NKD2: variants seen among roughly 807,000 people sequenced by gnomAD.
NKD2 encodes protein naked cuticle homolog 2.
NKD2 carries 43 observed loss-of-function variants against 34.8 expected under a neutral mutation model. The ratio of observed to expected loss-of-function variants is 1.24; its 90% CI spans 0.97 to 1.60. The LOEUF (loss-of-function observed/expected upper bound fraction) is 1.60. NKD2 is among the 40% of genes most tolerant of loss of function. The probability of loss-of-function intolerance (pLI) is 0.00; values close to 1 mark genes in which losing one functional copy is unlikely to be tolerated. For synonymous variants in NKD2, 278 were observed against 265.1 expected, an observed-to-expected ratio of 1.05 and a Z score of -0.47; for missense variants, 675 against 627.1, an observed-to-expected ratio of 1.08 and a Z score of -0.82.
At chr5:1,010,855 C>G (rs867568315) in intron 3 of NKD2, among the ~76,000 whole-genome samples, 4 of 152,234 alleles carry the variant, frequency 2.6e-5, no homozygotes, top group Non-Finnish European at 4.4e-5. Flanking sequence ...CGGCCCCTGT[C>G]CATTGGCCCA....
At chr5:1,021,765 G>T (rs1413525958) in intron 3 of NKD2, among the ~76,000 whole-genome samples, 1 of 152,032 alleles carries the variant, frequency 6.6e-6, no homozygotes, top group African/African-American at 2.4e-5. Flanking sequence ...ACTCTCTTCC[G>T]CAGACGCCGG....
intron 3 of NKD2, among the ~76,000 whole-genome samples, chr5:1,021,379 C>T (rs1215767248): frequency 9.7e-5 from 12 of 123,186 alleles, no homozygotes; most frequent in African/African-American, 1.3e-4. Flanking sequence ...CACCCACCCA[C>T]CCACCCACCC....
chr5:1,015,141 G>A (rs1018202023), intron 3 of NKD2, among the ~76,000 whole-genome samples: 2 of 152,230 alleles, frequency 1.3e-5, no homozygotes, highest in Admixed American at 1.3e-4. Flanking sequence ...CCAAGTGCCG[G>A]GGTGCTGCAA....
At position 1,034,294 on chromosome 5, in the gene NKD2, C is replaced by G; in HGVS notation, c.390C>G (p.Leu130=). 4 of 1,612,876 alleles carry G rather than the reference C, an allele frequency of 2.5e-6. No individual in the cohort carries two copies. The highest frequency in any genetic ancestry group is 3.4e-6 in the Non-Finnish European group (4 of 1,179,886). Residue 130 remains leucine, a synonymous_variant, in exon 6 of 10, where the codon CTC becomes CTG. Coordinates refer to ENST00000296849, the MANE Select transcript of NKD2 (RefSeq NM_033120.4). The part of the protein sequence containing the change: ...EDDRQEWTFT[L]YDFDNCGKVT... ...ACCGCCAGGAGTGGACGTTCACGCT[C>G]TATGACTTTGACAACTGCGGGAAGG... is the stretch of plus-strand genomic sequence containing the variant.
At chr5:1,021,391 C>CT (rs1560988048) in intron 3 of NKD2, among the ~76,000 whole-genome samples, 1 of 116,256 alleles carries the variant, frequency 8.6e-6, no homozygotes, top group African/African-American at 3.4e-5. Context: ...CACCCACCCA[C>CT]CCGTCCCAAC....
At chr5:1,022,140 GC>G (rs1756220405) in intron 3 of NKD2, among the ~76,000 whole-genome samples, 1 of 151,822 alleles carries the variant, frequency 6.6e-6, no homozygotes, top group Non-Finnish European at 1.5e-5. Flanking sequence ...GTAGCCAGTG[GC>G]GCTGTCCCTG....
At chr5:1,026,572 T>C (rs72491332) in intron 3 of NKD2, among the ~76,000 whole-genome samples, 1,571 of 39,238 alleles carry the variant, frequency 0.04, 56 homozygotes, top group Middle Eastern at 0.071. Context: ...CCTCTGTGGG[T>C]GTCCCAGCCC....
intron 6 of NKD2, among the ~76,000 whole-genome samples, 157 bp downstream of exon 6, chr5:1,034,487 G>C (rs144875853): frequency 6.6e-6 from 1 of 152,178 alleles, no homozygotes; most frequent in Non-Finnish European, 1.5e-5. Flanking sequence ...CCCAGTTCAC[G>C]TGTGTTTCTG....
intron 3 of NKD2, among the ~76,000 whole-genome samples, chr5:1,017,779 G>A (rs919282205): frequency 1.3e-5 from 2 of 152,184 alleles, no homozygotes; most frequent in African/African-American, 4.8e-5. Context: ...GGGTGCTGGG[G>A]TGCGGGTGAG....
chr5:1,037,771 T>C, intron 9 of NKD2, 34 bp from the exon 10 acceptor site: 1 of 1,561,424 alleles, frequency 6.4e-7, no homozygotes, highest in Non-Finnish European at 8.6e-7. Context: ...GAGCCTGCAC[T>C]CCCAGGGCCT....
At chr5:1,035,983 G>T (rs1007740898) in intron 8 of NKD2, 2 of 524,812 alleles carry the variant, frequency 3.8e-6, no homozygotes, top group Non-Finnish European at 3.0e-6. Context: ...TGGTGATCAG[G>T]TGCCACTACA....
At chr5:1,015,133 A>G (rs1466048926) in intron 3 of NKD2, among the ~76,000 whole-genome samples, 1 of 152,194 alleles carries the variant, frequency 6.6e-6, no homozygotes, top group Non-Finnish European at 1.5e-5. Context: ...CTTTTGCCCC[A>G]AGTGCCGGGG....
Position 1,037,800 on chromosome 5 carries a change from C to T in NKD2, c.788-5C>T, listed in dbSNP as rs377729647. 275 of 1,564,884 alleles carry T rather than the reference C, an allele frequency of 1.8e-4. No individual in the cohort carries two copies. The African/African-American group carries it at 2.5e-3, about 14-fold the overall frequency. On this transcript the variant is annotated splice_polypyrimidine_tract_variant and splice_region_variant and intron_variant, in intron 9 of 9. Coordinates refer to ENST00000296849, the MANE Select transcript of NKD2 (RefSeq NM_033120.4). ...AGGGCCTCACACTCTGACCTGTGTCCGCAGGGTCCCCTCCTGTGCAAGCAA... is the reference window on the plus strand; with the variant it reads ...AGGGCCTCACACTCTGACCTGTGTCTGCAGGGTCCCCTCCTGTGCAAGCAA...
intron 3 of NKD2, among the ~76,000 whole-genome samples, chr5:1,023,047 C>T (rs1422658459): frequency 1.2e-4 from 2 of 16,122 alleles, no homozygotes; most frequent in African/African-American, 2.2e-4. Context: ...TGTGGGCGTC[C>T]CAGCCCATTG....
At chr5:1,010,536 C>T (rs2150722937) in intron 3 of NKD2, among the ~76,000 whole-genome samples, 1 of 152,292 alleles carries the variant, frequency 6.6e-6, no homozygotes, top group South Asian at 2.1e-4. Context: ...AATTAACATG[C>T]AATAGAGTTA....
rs1402116446 is a variant in NKD2, at chr5:1,035,485, G to A, written c.659+12G>A. On this transcript the variant is annotated intron_variant, in intron 8 of 9. Transcript: ENST00000296849. ...TCTGCACACGTCAGGTGAGGGCTGG[G>A]GTGCCAGGGTGGGGCTGTGCCTTAG... The A allele has an allele frequency of 6.5e-7, 1 of 1,549,128 alleles. No individual in the cohort carries two copies. The highest frequency in any genetic ancestry group is 2.0e-5 in the Admixed American group (1 of 51,128).
chr5:1,037,895 C>T lies in NKD2; in HGVS notation c.878C>T (p.Ala293Val), dbSNP rs1389333112. 3 of 1,606,044 alleles carry T rather than the reference C, an allele frequency of 1.9e-6. No individual in the cohort carries two copies. Among genetic ancestry groups the T allele is most frequent in the African/African-American group, 1.3e-5 (1 of 74,914 alleles). The change falls in exon 10 of 10, where the codon GCC (alanine) becomes GTC (valine). Residue 293 changes from alanine to valine, a missense_variant. Physicochemically the swap from Ala to Val is moderately conservative, Grantham distance 64 (BLOSUM62 0). Coordinates refer to ENST00000296849, the MANE Select transcript of NKD2 (RefSeq NM_033120.4). ...CGCTCCCAGGAGCCAGATACACATGCCGTACACCACCGCAGGTCACAGGTG... is the reference window on the plus strand; with the variant it reads ...CGCTCCCAGGAGCCAGATACACATGTCGTACACCACCGCAGGTCACAGGTG... ...RSRSQEPDTHAVHHRRSQVLV... is the reference protein window; with the variant it reads ...RSRSQEPDTHVVHHRRSQVLV...
chr5:1,037,808 C>G lies in NKD2; in HGVS notation c.791C>G (p.Ser264Cys). 1 of 1,572,436 alleles carries G rather than the reference C, an allele frequency of 6.4e-7. No homozygotes were observed. The highest frequency in any genetic ancestry group is 1.7e-5 in the Admixed American group (1 of 57,174). The change falls in exon 10 of 10, where the codon TCC becomes TGC. Residue 264 changes from serine to cysteine, a missense_variant. Transcript: ENST00000296849. ...ENYTSRFGPG[S>C]PPVQAKQEPQ... ...ACACTCTGACCTGTGTCCGCAGGGTCCCCTCCTGTGCAAGCAAAGCAGGAG... is the reference window on the plus strand; with the variant it reads ...ACACTCTGACCTGTGTCCGCAGGGTGCCCTCCTGTGCAAGCAAAGCAGGAG...
At chr5:1,018,205 CTG>C (rs1369942535) in intron 3 of NKD2, among the ~76,000 whole-genome samples, 4 of 152,244 alleles carry the variant, frequency 2.6e-5, no homozygotes, top group East Asian at 1.9e-4. Flanking sequence ...GCACTGGTCT[CTG>C]TGCTGTGGGA....
Sources: allele counts gnomAD v4.1 joint callset (sites outside exome capture counted in the v4.1 genomes callset), GRCh38; gene constraint gnomAD v4.1.1; transcripts MANE v1.5; gene names NCBI Gene and HGNC (gene_info 2026-07-23, HGNC 2026-07-21).